The following SAMD5 variants were observed in gnomAD, a reference collection of about 807,000 sequenced individuals.
SAMD5 encodes the protein sterile alpha motif domain containing 5, also known as sterile alpha motif domain-containing protein 5.
Under a neutral mutation model 11.3 loss-of-function variants are expected in SAMD5, and 13 were observed. The observed-to-expected ratio is 1.15, with a 90% CI of 0.75 to 1.83. The LOEUF (loss-of-function observed/expected upper bound fraction) is 1.83. Among genes scored for constraint, SAMD5 ranks in the 40% most tolerant of loss-of-function variants. The probability of loss-of-function intolerance (pLI) is 0.00; values close to 1 mark genes in which losing one functional copy is unlikely to be tolerated. For missense variants in SAMD5, 255 were observed against 239.1 expected (o/e 1.07, Z -0.44); for synonymous variants, 129 against 111.3 (o/e 1.16, Z -1.00).
intron 1 of SAMD5, among the ~76,000 whole-genome samples, chr6:147,556,611 A>G (rs536422504): frequency 1.3e-5 from 2 of 152,320 alleles, no homozygotes; most frequent in South Asian, 4.1e-4. Flanking sequence ...CTGTCATGAA[A>G]TTACAAAAAG....
chr6:147,841,463 T>C, the SAMD5 span, among the ~76,000 whole-genome samples: 21 of 152,190 alleles, frequency 1.4e-4, no homozygotes, highest in Non-Finnish European at 2.4e-4. Context: ...GCCATCTAGA[T>C]TTTGAGTTTG....
chr6:147,616,067 C>G (rs1789863171), intron 1 of SAMD5, among the ~76,000 whole-genome samples: 1 of 141,416 alleles, frequency 7.1e-6, no homozygotes, highest in Admixed American at 7.1e-5. Flanking sequence ...ATGTCCTCAT[C>G]TGCAACTACT....
At chr6:147,520,868 A>G (rs1788243498) in intron 1 of SAMD5, among the ~76,000 whole-genome samples, 1 of 152,158 alleles carries the variant, frequency 6.6e-6, no homozygotes, top group Non-Finnish European at 1.5e-5. Flanking sequence ...TTTAATGATG[A>G]GAACATTTGA....
At chr6:147,686,032 T>C (rs2128456637) in intron 1 of SAMD5, among the ~76,000 whole-genome samples, 1 of 152,328 alleles carries the variant, frequency 6.6e-6, no homozygotes, top group East Asian at 1.9e-4. Flanking sequence ...CTGACAAAAT[T>C]TGTGTATATC....
At chr6:147,512,860 G>A (rs1201181288) in intron 1 of SAMD5, among the ~76,000 whole-genome samples, 1 of 152,216 alleles carries the variant, frequency 6.6e-6, no homozygotes, top group East Asian at 1.9e-4. Flanking sequence ...TAATGATAAT[G>A]TGTGACGATT....
the SAMD5 span, among the ~76,000 whole-genome samples, chr6:147,801,424 C>T: frequency 6.6e-6 from 1 of 151,934 alleles, no homozygotes; most frequent in Admixed American, 6.6e-5. Context: ...AGATTGAAAA[C>T]CCTGTATTAG....
chr6:147,844,813 AG>A, the SAMD5 span, among the ~76,000 whole-genome samples: 4 of 152,202 alleles, frequency 2.6e-5, no homozygotes, highest in Non-Finnish European at 4.4e-5. Flanking sequence ...AAACTCATAA[AG>A]AGTAGAACAG....
the SAMD5 span, among the ~76,000 whole-genome samples, chr6:147,860,560 G>A: frequency 3.3e-5 from 5 of 152,142 alleles, no homozygotes; most frequent in African/African-American, 1.2e-4. Context: ...ATCCACCTGT[G>A]CATCTTTGAA....
At chr6:147,548,215 A>G (rs574202125) in intron 1 of SAMD5, among the ~76,000 whole-genome samples, 1 of 152,310 alleles carries the variant, frequency 6.6e-6, no homozygotes, top group Admixed American at 6.5e-5. Context: ...GATGAACAGT[A>G]TCCCTTAGAG....
chr6:147,688,394 G>T (rs1248810020), intron 1 of SAMD5, among the ~76,000 whole-genome samples: 2 of 152,136 alleles, frequency 1.3e-5, no homozygotes, highest in African/African-American at 4.8e-5. Flanking sequence ...CTCAGTGATA[G>T]TTATCTTTAT....
chr6:147,789,100 C>A, the SAMD5 span, among the ~76,000 whole-genome samples: 54,421 of 135,994 alleles, frequency 0.4, 10,220 homozygotes, highest in Middle Eastern at 0.47. Flanking sequence ...AACAAACAAA[C>A]AAAAAAAAAA....
chr6:147,689,372 T>G (rs148469567), intron 1 of SAMD5, among the ~76,000 whole-genome samples: 152 of 152,310 alleles, frequency 1.0e-3, no homozygotes, highest in African/African-American at 3.6e-3. Context: ...CAGCCATACT[T>G]CCAAAATATA....
chr6:147,948,851 C>T, the SAMD5 span, among the ~76,000 whole-genome samples: 62 of 152,256 alleles, frequency 4.1e-4, 3 homozygotes, highest in South Asian at 0.012. Context: ...GTCAACTAAA[C>T]TGCTCTTGAA....
At position 147,566,940 on chromosome 6, in the gene SAMD5, A is replaced by G; in HGVS notation, c.*2484A>G. The G allele has an allele frequency of 9.2e-6, 8 of 869,480 alleles. No homozygotes were observed. The highest frequency in any genetic ancestry group is 1.1e-5 in the Non-Finnish European group (8 of 724,734). The allele number at this position is 869,480 out of a possible 1,614,324, so 53.9% of individuals were successfully genotyped here. ...CGTTTTTCCTCTGTATCTAAACACC[A>G]ATAATATACTTAATTTTTGAATATA... On this transcript the variant is annotated 3_prime_UTR_variant, in exon 2 of 2. Coordinates refer to ENST00000367474, the MANE Select transcript of SAMD5 (RefSeq NM_001030060.3).
the SAMD5 span, among the ~76,000 whole-genome samples, chr6:147,862,412 C>T: frequency 6.6e-5 from 10 of 152,082 alleles, no homozygotes; most frequent in Non-Finnish European, 1.3e-4. Flanking sequence ...TCTGGTTCTC[C>T]TTTATATATT....
intron 1 of SAMD5, among the ~76,000 whole-genome samples, chr6:147,650,948 T>C (rs981767556): frequency 1.7e-5 from 2 of 119,098 alleles, no homozygotes; most frequent in Non-Finnish European, 3.4e-5. Flanking sequence ...TTGAGGCTAG[T>C]TGGATTTTTA....
At chr6:147,691,008 T>G (rs896129841) in intron 1 of SAMD5, among the ~76,000 whole-genome samples, 991 of 47,334 alleles carry the variant, frequency 0.021, no homozygotes, top group Admixed American at 0.031. Flanking sequence ...GGTGTGGGGG[T>G]GGTGGGATGG....
At chr6:147,556,195 C>A (rs1373763054) in intron 1 of SAMD5, among the ~76,000 whole-genome samples, 1 of 151,892 alleles carries the variant, frequency 6.6e-6, no homozygotes. Flanking sequence ...TGGGCTCATG[C>A]CATTCTCCCG....
chr6:147,574,461 AC>A (rs1463379487), downstream of SAMD5, among the ~76,000 whole-genome samples: 1 of 152,218 alleles, frequency 6.6e-6, no homozygotes, highest in Non-Finnish European at 1.5e-5. Flanking sequence ...AAATGTAAGG[AC>A]CACATATCAA....
Sources: gnomAD v4.1 joint callset for allele counts (sites outside exome capture counted in the v4.1 genomes callset) on GRCh38, gnomAD v4.1.1 for gene constraint, MANE v1.5 for transcripts, NCBI Gene and HGNC (gene_info 2026-07-23, HGNC 2026-07-21) for gene names.